DYNC1I1: variants seen among roughly 807,000 people sequenced by gnomAD.
DYNC1I1 encodes the protein dynein cytoplasmic 1 intermediate chain 1.
DYNC1I1 carries 43 observed loss-of-function variants against 86.6 expected under a neutral mutation model. That is an observed-to-expected ratio of 0.50 (90% confidence interval 0.39 to 0.64). The LOEUF (loss-of-function observed/expected upper bound fraction) is 0.64. DYNC1I1 is among the 30% of genes least tolerant of loss of function. DYNC1I1 has a pLI of 0.00. For synonymous variants in DYNC1I1, 262 were observed against 283.7 expected (o/e 0.92, Z 0.77); for missense variants, 604 against 788.8 (o/e 0.77, Z 2.81).
At chr7:95,926,363 AT>A (rs1470522205) in intron 6 of DYNC1I1, among the ~76,000 whole-genome samples, 1 of 152,142 alleles carries the variant, frequency 6.6e-6, no homozygotes, top group East Asian at 1.9e-4. Flanking sequence ...ATGACAGCTT[AT>A]AATATATTTT....
At chr7:95,941,708 C>T (rs1330567756) in intron 6 of DYNC1I1, among the ~76,000 whole-genome samples, 1 of 152,216 alleles carries the variant, frequency 6.6e-6, no homozygotes, top group African/African-American at 2.4e-5. Context: ...CATCTGTCAC[C>T]CCTTTCTTTG....
At chr7:95,917,831 G>A (rs1029885302) in intron 6 of DYNC1I1, among the ~76,000 whole-genome samples, 43 of 152,142 alleles carry the variant, frequency 2.8e-4, no homozygotes, top group African/African-American at 1.0e-3. Flanking sequence ...GGCTGCAGTC[G>A]GCTGTCCTTC....
intron 3 of DYNC1I1, among the ~76,000 whole-genome samples, 160 bp downstream of exon 3, chr7:95,810,666 T>A (rs1794809795): frequency 7.5e-6 from 1 of 134,040 alleles, no homozygotes; most frequent in Non-Finnish European, 1.5e-5. Flanking sequence ...TTTTTGGAAT[T>A]GAGGGGGCTG....
At chr7:95,835,658 G>A (rs1308711118) in intron 5 of DYNC1I1, among the ~76,000 whole-genome samples, 1 of 152,124 alleles carries the variant, frequency 6.6e-6, no homozygotes, top group East Asian at 1.9e-4. Flanking sequence ...GGGTGCTCCT[G>A]TATTGGGTGC....
At position 96,078,179 on chromosome 7, in the gene DYNC1I1, G is replaced by T. The variant is rs190198788; in HGVS notation, c.1650+1982G>T. Reference sequence around the variant, plus strand: ...TTTTATTATTACATTTTTGGACCAGGTTATTCCAGCTGTTCCTATGCAAGG... The same window carrying T: ...TTTTATTATTACATTTTTGGACCAGTTTATTCCAGCTGTTCCTATGCAAGG... On this transcript the variant is annotated intron_variant, in intron 15 of 16. Transcript: ENST00000447467. Among the ~76,000 whole-genome samples the T allele has an allele frequency of 7.2e-4, 110 of 152,240 alleles. No homozygotes were observed. In the East Asian group the frequency reaches 0.014, roughly 19 times the overall value.
At chr7:96,076,249 C>T (rs985514196) in intron 15 of DYNC1I1, 52 bp downstream of exon 15, 3 of 1,599,202 alleles carry the variant, frequency 1.9e-6, no homozygotes, top group Non-Finnish European at 1.7e-6. Flanking sequence ...GGGGCGCAGT[C>T]GGCCACTCGC....
intron 6 of DYNC1I1, among the ~76,000 whole-genome samples, chr7:95,949,716 T>C (rs1792500841): frequency 6.6e-6 from 1 of 152,236 alleles, no homozygotes; most frequent in Non-Finnish European, 1.5e-5. Flanking sequence ...GTTTTTGTTC[T>C]GTACTACTGC....
chr7:95,947,365 G>C (rs1792431007), intron 6 of DYNC1I1, among the ~76,000 whole-genome samples: 1 of 152,080 alleles, frequency 6.6e-6, no homozygotes, highest in Non-Finnish European at 1.5e-5. Flanking sequence ...GTAAGCCCAA[G>C]GTAATTACCA....
chr7:95,850,439 TC>T (rs1789546779), intron 5 of DYNC1I1, among the ~76,000 whole-genome samples: 1 of 152,176 alleles, frequency 6.6e-6, no homozygotes, highest in Non-Finnish European at 1.5e-5. Flanking sequence ...TGCCAACTGC[TC>T]TTTTTGCATC....
At chr7:96,062,825 A>G (rs2116177585) in intron 14 of DYNC1I1, among the ~76,000 whole-genome samples, 1 of 151,828 alleles carries the variant, frequency 6.6e-6, no homozygotes, top group Non-Finnish European at 1.5e-5. Flanking sequence ...GAAACTTTAA[A>G]CTCCGGTGCA....
chr7:95,909,656 G>A (rs554771606), intron 6 of DYNC1I1, among the ~76,000 whole-genome samples: 3 of 152,234 alleles, frequency 2.0e-5, no homozygotes, highest in Non-Finnish European at 2.9e-5. Flanking sequence ...AAACCCTTCC[G>A]TGGTATCTGG....
intron 1 of DYNC1I1, among the ~76,000 whole-genome samples, chr7:95,795,811 A>C (rs1337835314): frequency 1.3e-5 from 2 of 152,014 alleles, no homozygotes; most frequent in African/African-American, 4.8e-5. Context: ...CTGGGGGATA[A>C]AATAATCCAT....
chr7:95,845,756 T>C (rs1375847572), intron 5 of DYNC1I1, among the ~76,000 whole-genome samples: 1 of 152,184 alleles, frequency 6.6e-6, no homozygotes, highest in Non-Finnish European at 1.5e-5. Context: ...GAAGAACTGT[T>C]ATAAATTGGT....
In DYNC1I1 at chr7:95,857,617, G is replaced by A. The variant is rs145541658; in HGVS notation, c.375-12266G>A. 2.7e-4 allele frequency among the ~76,000 whole-genome samples: 41 copies of A among 152,250 alleles called. No individual in the cohort carries two copies. The East Asian group carries it at 7.7e-3, about 29-fold the overall frequency. ...TTGTAGCCTGCAATATTGCCCCCAA[G>A]CAAGACTCTTATCCTGTCCTTGAAT... On this transcript the variant is annotated intron_variant, in intron 5 of 16. Coordinates refer to ENST00000447467, the MANE Select transcript of DYNC1I1 (RefSeq NM_001135556.2).
intron 5 of DYNC1I1, among the ~76,000 whole-genome samples, chr7:95,835,204 T>C (rs1163525105): frequency 1.0e-5 from 1 of 100,262 alleles, no homozygotes; most frequent in Non-Finnish European, 1.9e-5. Context: ...AGAACATCTT[T>C]ATTTCTGCCT....
chr7:95,856,323 T>C (rs1395755863), intron 5 of DYNC1I1, among the ~76,000 whole-genome samples: 1 of 152,200 alleles, frequency 6.6e-6, no homozygotes, highest in East Asian at 1.9e-4. Flanking sequence ...TATTCTATGA[T>C]AATAATGCCT....
chr7:96,025,371 A>G (rs901129290), intron 10 of DYNC1I1, among the ~76,000 whole-genome samples: 2 of 152,116 alleles, frequency 1.3e-5, no homozygotes, highest in Admixed American at 6.5e-5. Flanking sequence ...TAATATGTTG[A>G]GCTTAAGATA....
rs185496049 is a variant in DYNC1I1, at chr7:95,774,021, C to T, written c.-10+1248C>T. Among the ~76,000 whole-genome samples, 390 of 152,260 alleles carry T rather than the reference C, an allele frequency of 2.6e-3. 3 individuals carry two copies. Among genetic ancestry groups the T allele is most frequent in the Non-Finnish European group, 4.2e-3 (288 of 68,020 alleles). ...AAGGTTTGGTGTGGAAAAAGGGGTC[C>T]TAACTCAGCTCTTTTGATCATATTT... On this transcript the variant is annotated intron_variant, in intron 1 of 16. Coordinates refer to ENST00000447467, the MANE Select transcript of DYNC1I1 (RefSeq NM_001135556.2).
chr7:95,822,657 G>C (rs556969456), intron 4 of DYNC1I1, among the ~76,000 whole-genome samples: 1 of 152,014 alleles, frequency 6.6e-6, no homozygotes, highest in Non-Finnish European at 1.5e-5. Flanking sequence ...CACATAATAG[G>C]GCTCCTATGA....
Sources: gnomAD v4.1 joint callset for allele counts (sites outside exome capture counted in the v4.1 genomes callset) on GRCh38, gnomAD v4.1.1 for gene constraint, MANE v1.5 for transcripts, NCBI Gene and HGNC (gene_info 2026-07-23, HGNC 2026-07-21) for gene names.